The following CDC14B variants were observed in gnomAD, a reference collection of about 807,000 sequenced individuals.
The protein encoded by CDC14B is dual specificity protein phosphatase CDC14B.
A neutral mutation model predicts 64.2 loss-of-function variants in CDC14B; 22 were observed. The ratio of observed to expected loss-of-function variants is 0.34; its 90% confidence interval spans 0.24 to 0.49. The LOEUF is 0.49. Ranked by LOEUF, CDC14B falls within the 20% of genes least tolerant of loss-of-function variation. CDC14B has a pLI of 0.99. For missense variants in CDC14B, 498 were observed against 629.9 expected, an observed-to-expected ratio of 0.79 and a Z score of 2.24; for synonymous variants, 191 against 215.8, an observed-to-expected ratio of 0.89 and a Z score of 1.01.
chr9:96,517,889 C>T (rs1835989806), intron 12 of CDC14B, among the ~76,000 whole-genome samples: 1 of 150,878 alleles, frequency 6.6e-6, no homozygotes, highest in Non-Finnish European at 1.5e-5. Context: ...CCAGGCTGGT[C>T]TCGAACTCCT....
rs1200915820 is a variant in CDC14B at position 96,533,211 on chromosome 9, C to T, written c.946+716G>A. 5.3e-5 allele frequency among the ~76,000 whole-genome samples: 8 copies of T among 152,164 alleles called. No individual in the cohort carries two copies. The East Asian group carries it at 5.8e-4, about 11-fold the overall frequency. On this transcript the variant is annotated intron_variant, in intron 9 of 13. Coordinates refer to ENST00000375241, the MANE Select transcript of CDC14B (RefSeq NM_033331.4). The stretch of plus-strand genomic sequence containing the variant: ...CTCAAACTCCTGACCTCAGGCGATC[C>T]GCCCGCCATGGCCTCCCAAAGTGCT...
At chr9:96,593,057 T>C (rs545053879) in intron 1 of CDC14B, among the ~76,000 whole-genome samples, 2 of 152,256 alleles carry the variant, frequency 1.3e-5, no homozygotes, top group South Asian at 2.1e-4. Context: ...ATGGTTCATA[T>C]GTGAAATAAA....
At chr9:96,532,723 G>T (rs985881565) in intron 9 of CDC14B, among the ~76,000 whole-genome samples, 3 of 152,042 alleles carry the variant, frequency 2.0e-5, no homozygotes, top group African/African-American at 4.8e-5. Context: ...TGATTCTTCT[G>T]CCTGCTCAAA....
intron 12 of CDC14B, 124 bp from the exon 13 acceptor site, chr9:96,509,913 C>T: frequency 4.9e-6 from 3 of 609,448 alleles, no homozygotes; most frequent in East Asian, 2.8e-5. Flanking sequence ...TTTCCATCAA[C>T]ACATTTACCA....
intron 6 of CDC14B, among the ~76,000 whole-genome samples, chr9:96,540,825 T>C (rs1399418865): frequency 6.6e-6 from 1 of 152,142 alleles, no homozygotes; most frequent in African/African-American, 2.4e-5. Flanking sequence ...CTGCCCACAC[T>C]GAGGGCCCAT....
chr9:96,614,645 C>G (rs985246134), intron 1 of CDC14B, among the ~76,000 whole-genome samples: 4 of 151,672 alleles, frequency 2.6e-5, no homozygotes, highest in African/African-American at 9.7e-5. Context: ...AATGGAGGTC[C>G]CTATTTAAGG....
intron 1 of CDC14B, among the ~76,000 whole-genome samples, chr9:96,601,437 C>T (rs1846446271): frequency 6.8e-6 from 1 of 147,932 alleles, no homozygotes; most frequent in Non-Finnish European, 1.5e-5. Context: ...GCAGAGGTTG[C>T]AGTGAGCCAA....
At chr9:96,615,248 T>TAG (rs1359231768) in intron 1 of CDC14B, among the ~76,000 whole-genome samples, 3 of 152,164 alleles carry the variant, frequency 2.0e-5, no homozygotes, top group Non-Finnish European at 4.4e-5. Flanking sequence ...GGTGAATGAA[T>TAG]GGCTCCGTGA....
At position 96,541,819 on chromosome 9, in the gene CDC14B, C is replaced by G; in HGVS notation, c.564+7G>C. 6.3e-7 allele frequency: 1 copy of G among 1,592,338 alleles called. No homozygotes were observed. Among genetic ancestry groups the G allele is most frequent in the Non-Finnish European group, 8.6e-7 (1 of 1,164,638 alleles). ...ACAACACTGGGTGCATCCTACATGT[C>G]ACTCACCTTCTTTACTGCATGAAAA... On this transcript the variant is annotated splice_region_variant and intron_variant, in intron 6 of 13. Transcript: ENST00000375241.
intron 4 of CDC14B, among the ~76,000 whole-genome samples, chr9:96,562,095 T>C (rs1411885): frequency 0.66 from 100,420 of 152,120 alleles, 35,680 homozygotes; most frequent in East Asian, 0.96. Context: ...TATTCCAAAG[T>C]ACATTTCCAA....
chr9:96,535,976 A>T (rs1839212043), intron 7 of CDC14B, among the ~76,000 whole-genome samples: 1 of 152,252 alleles, frequency 6.6e-6, no homozygotes, highest in African/African-American at 2.4e-5. Context: ...TTCTGATTTT[A>T]AAGTGAAATC....
At chr9:96,557,604 G>A (rs1049481610) in intron 4 of CDC14B, among the ~76,000 whole-genome samples, 6 of 152,082 alleles carry the variant, frequency 3.9e-5, no homozygotes, top group Non-Finnish European at 7.4e-5. Flanking sequence ...AACTGTAGAG[G>A]CAATCTCAAA....
chr9:96,605,797 G>A (rs1179155570), intron 1 of CDC14B, among the ~76,000 whole-genome samples: 5 of 151,792 alleles, frequency 3.3e-5, no homozygotes, highest in Non-Finnish European at 7.4e-5. Context: ...GGAGGTGGAG[G>A]TTGCAGCGAG....
In CDC14B at chr9:96,493,911, C is replaced by T. The variant is rs147272252; in HGVS notation, c.*81-659G>A. Among the ~76,000 whole-genome samples the T allele has an allele frequency of 7.9e-5, 12 of 152,334 alleles. No individual in the cohort carries two copies. The East Asian group carries it at 1.2e-3, about 15-fold the overall frequency. On this transcript the variant is annotated intron_variant and NMD_transcript_variant, in intron 13 of 13. Coordinates refer to the CDC14B transcript ENST00000474602. Reference sequence around the variant, plus strand: ...CATGCTGATCACCACCTCATCCCCGCGCTCCCAGGACTCGCGCTGCCTCCA... The same window carrying T: ...CATGCTGATCACCACCTCATCCCCGTGCTCCCAGGACTCGCGCTGCCTCCA...
chr9:96,541,903 A>G lies in CDC14B; in HGVS notation c.498-11T>C, dbSNP rs1003701914. On this transcript the variant is annotated splice_polypyrimidine_tract_variant and intron_variant, in intron 5 of 13. Coordinates refer to ENST00000375241, the MANE Select transcript of CDC14B (RefSeq NM_033331.4). Reference sequence around the variant, plus strand: ...CCATAGGCAGCATCTCTGAAACCCAAGAGTAATAAAATGTAGATCAGTTAA... The same window carrying G: ...CCATAGGCAGCATCTCTGAAACCCAGGAGTAATAAAATGTAGATCAGTTAA... The G allele has an allele frequency of 1.9e-6, 3 of 1,596,296 alleles. No individual in the cohort carries two copies. Among genetic ancestry groups the G allele is most frequent in the Non-Finnish European group, 2.6e-6 (3 of 1,166,404 alleles).
intron 1 of CDC14B, among the ~76,000 whole-genome samples, chr9:96,583,370 T>TTTATTATTATTATTATTA (rs60483659): frequency 2.2e-5 from 3 of 139,104 alleles, no homozygotes; most frequent in Admixed American, 1.5e-4. Flanking sequence ...GTTGTATTTA[T>TTTATTATTATTATTATTA]TTATTATTAT....
At position 96,590,154 on chromosome 9, in the gene CDC14B, C is replaced by T. The variant is rs74386666; in HGVS notation, c.161-24671G>A. On this transcript the variant is annotated intron_variant, in intron 1 of 13. Coordinates refer to ENST00000375241, the MANE Select transcript of CDC14B (RefSeq NM_033331.4). Reference sequence around the variant, plus strand: ...ACAGGAACTCCTCTTTTCCCTATCCCCCAAAGGTCCTGGAAACCACCATTC... The same window carrying T: ...ACAGGAACTCCTCTTTTCCCTATCCTCCAAAGGTCCTGGAAACCACCATTC... Among the ~76,000 whole-genome samples the T allele has an allele frequency of 6.6e-4, 100 of 152,132 alleles. No homozygotes were observed. The East Asian group carries it at 0.018, about 28-fold the overall frequency.
chr9:96,497,335 C>T (rs1454161854), downstream of CDC14B, among the ~76,000 whole-genome samples: 1 of 152,192 alleles, frequency 6.6e-6, no homozygotes, highest in Non-Finnish European at 1.5e-5. Flanking sequence ...CCCCCACTCC[C>T]ACACAGGCCA....
At position 96,522,461 on chromosome 9, in the gene CDC14B, C is replaced by A. The variant is rs768209280; in HGVS notation, c.1343+45G>T. Reference sequence around the variant, plus strand: ...AAAAACCCTCACCAAGGACCCCACACACATATGAAGAAACATCAACCACAA... The same window carrying A: ...AAAAACCCTCACCAAGGACCCCACAAACATATGAAGAAACATCAACCACAA... On this transcript the variant is annotated intron_variant, in intron 12 of 13. Coordinates refer to ENST00000375241, the MANE Select transcript of CDC14B (RefSeq NM_033331.4). 7.1e-6 allele frequency: 9 copies of A among 1,259,284 alleles called. No homozygotes were observed. In the Admixed American group the frequency reaches 1.3e-4, roughly 19 times the overall value. 78.0% of individuals were successfully genotyped at this position (1,259,284 alleles called of 1,614,324 possible).
Sources: gnomAD v4.1 joint callset for allele counts (sites outside exome capture counted in the v4.1 genomes callset) on GRCh38, gnomAD v4.1.1 for gene constraint, MANE v1.5 for transcripts, NCBI Gene and HGNC (gene_info 2026-07-23, HGNC 2026-07-21) for gene names.